The following DHRS9 variants were observed in gnomAD, a reference collection of about 807,000 sequenced individuals.
DHRS9 encodes the protein dehydrogenase/reductase 9.
In DHRS9, 18 loss-of-function variants were observed where a neutral mutation model predicts 26.6. The ratio of observed to expected loss-of-function variants is 0.68; its 90% CI spans 0.47 to 1.00. The LOEUF (loss-of-function observed/expected upper bound fraction) is 1.00. Among genes scored for constraint, DHRS9 ranks in the 50% least tolerant of loss-of-function variants. The pLI is 0.00. For synonymous variants in DHRS9, 134 were observed against 141.1 expected (o/e 0.95, Z 0.36); for missense variants, 425 against 378.7 (o/e 1.12, Z -1.01).
Position 169,095,661 on chromosome 2 carries a change from A to G in DHRS9, c.854A>G (p.Lys285Arg). ...CCTAAGACTCATTATGCCGCTGGAA[A>G]AGATGCCAAAATTTTCTGGATACCT... ...LFPKTHYAAG[K>R]DAKIFWIPLS... The change falls in exon 5 of 5, where the codon AAA (lysine) becomes AGA (arginine). Residue 285 changes from lysine to arginine, a missense_variant. By Grantham distance (26) the Lys-to-Arg change is conservative. Transcript: ENST00000674881. 1.2e-6 allele frequency: 2 copies of G among 1,614,010 alleles called. No individual in the cohort carries two copies. The highest frequency in any genetic ancestry group is 8.5e-7 in the Non-Finnish European group (1 of 1,179,930).
At chr2:169,073,205 C>T (rs559039004) in intron 1 of DHRS9, among the ~76,000 whole-genome samples, 4 of 152,156 alleles carry the variant, frequency 2.6e-5, no homozygotes, top group African/African-American at 9.6e-5. Flanking sequence ...ATATGCAGAG[C>T]CCAGAGTTGA....
intron 3 of DHRS9, among the ~76,000 whole-genome samples, chr2:169,089,987 G>A (rs1417636081): frequency 6.6e-6 from 1 of 152,152 alleles, no homozygotes; most frequent in Non-Finnish European, 1.5e-5. Flanking sequence ...TGTAGTATAT[G>A]TAATTAGAGA....
intron 1 of DHRS9, chr2:169,070,118 T>C (rs1683755284): frequency 1.0e-6 from 1 of 985,486 alleles, no homozygotes; most frequent in Non-Finnish European, 1.2e-6. Context: ...GCAGATTCTC[T>C]GTCAACTGCA....
upstream of DHRS9, among the ~76,000 whole-genome samples, chr2:169,068,671 A>G (rs1683714966): frequency 6.6e-6 from 1 of 152,230 alleles, no homozygotes; most frequent in Non-Finnish European, 1.5e-5. Flanking sequence ...ACCTAGACAG[A>G]TATGTTCATT....
In DHRS9 at chr2:169,095,589, T is replaced by A. The variant is rs1459216682; in HGVS notation, c.782T>A (p.Leu261His). 6.2e-7 allele frequency: 1 copy of A among 1,613,816 alleles called. No homozygotes were observed. The highest frequency in any genetic ancestry group is 8.5e-7 in the Non-Finnish European group (1 of 1,179,894). ...KGNKSYVNMDLSPVVECMDHA... is the reference protein window; with the variant it reads ...KGNKSYVNMDHSPVVECMDHA... The stretch of plus-strand genomic sequence containing the variant: ...AATAAATCCTATGTGAACATGGACC[T>A]CTCTCCGGTGGTAGAGTGCATGGAC... Residue 261 changes from leucine to histidine, a missense_variant, in exon 5 of 5, where the codon CTC becomes CAC. Transcript: ENST00000674881.
chr2:169,067,643 T>C (rs1414699313), upstream of DHRS9, among the ~76,000 whole-genome samples: 2 of 152,230 alleles, frequency 1.3e-5, no homozygotes, highest in African/African-American at 2.4e-5. Context: ...TTTTTTTTAA[T>C]GTGATCTTTG....
intron 4 of DHRS9, among the ~76,000 whole-genome samples, chr2:169,093,397 A>G (rs1052421663): frequency 1.3e-5 from 2 of 151,976 alleles, no homozygotes; most frequent in African/African-American, 4.8e-5. Flanking sequence ...CTATATATCA[A>G]CTGAAATGTC....
chr2:169,088,545 A>T (rs1684423044), intron 3 of DHRS9, among the ~76,000 whole-genome samples: 1 of 152,128 alleles, frequency 6.6e-6, no homozygotes, highest in South Asian at 2.1e-4. Context: ...TCCTGTGGGG[A>T]GGATGATCAA....
intron 1 of DHRS9, among the ~76,000 whole-genome samples, chr2:169,078,264 G>A (rs1452133387): frequency 1.3e-5 from 2 of 152,176 alleles, no homozygotes; most frequent in African/African-American, 4.8e-5. Flanking sequence ...ACTAATGTAT[G>A]ACATTATTTT....
intron 1 of DHRS9, 49 bp from the exon 2 acceptor site, chr2:169,081,474 T>C: frequency 6.7e-7 from 1 of 1,498,784 alleles, no homozygotes; most frequent in Non-Finnish European, 8.9e-7. Context: ...TGGGTTATAA[T>C]GCCTTGGTAG....
intron 1 of DHRS9, chr2:169,074,112 G>T (rs1056902284): frequency 2.8e-5 from 6 of 214,572 alleles, no homozygotes; most frequent in African/African-American, 7.1e-5. Flanking sequence ...GCCTAAATAT[G>T]AGCAATACAT....
intron 1 of DHRS9, chr2:169,074,191 C>T (rs1353470267): frequency 2.1e-5 from 17 of 804,060 alleles, no homozygotes; most frequent in Non-Finnish European, 2.0e-5. Flanking sequence ...CTTACTGTAA[C>T]GGCAGACATT....
At position 169,069,668 on chromosome 2, in the gene DHRS9, G is replaced by C; in HGVS notation, c.-109G>C. The C allele has an allele frequency of 2.0e-6, 2 of 985,462 alleles. No homozygotes were observed. Among genetic ancestry groups the C allele is most frequent in the Non-Finnish European group, 2.4e-6 (2 of 829,950 alleles). The allele number at this position is 985,462 out of a possible 1,614,324, so 61.0% of individuals were successfully genotyped here. On this transcript the variant is annotated 5_prime_UTR_variant, in exon 1 of 5. Coordinates refer to ENST00000674881, the MANE Select transcript of DHRS9 (RefSeq NM_001376924.1). ...GTGCACAGCAGGAAAGCTGCCATCA[G>C]CTGAGCAAGTCCACCAACAGTTTCT...
intron 1 of DHRS9, among the ~76,000 whole-genome samples, chr2:169,079,596 G>T (rs996844941): frequency 6.6e-6 from 1 of 151,864 alleles, no homozygotes; most frequent in Non-Finnish European, 1.5e-5. Flanking sequence ...GCTCACGCCT[G>T]TAATCCCCGC....
intron 3 of DHRS9, among the ~76,000 whole-genome samples, 155 bp downstream of exon 3, chr2:169,083,742 T>C (rs1176971847): frequency 3.3e-5 from 5 of 152,236 alleles, no homozygotes; most frequent in Non-Finnish European, 5.9e-5. Flanking sequence ...TTTATGGTTA[T>C]ATGAGATATT....
intron 3 of DHRS9, among the ~76,000 whole-genome samples, chr2:169,089,431 C>T (rs1684451552): frequency 6.6e-6 from 1 of 152,102 alleles, no homozygotes. Flanking sequence ...GGATATGATG[C>T]AGACAGAGGG....
chr2:169,071,412 C>G (rs769287841), intron 1 of DHRS9, among the ~76,000 whole-genome samples: 1 of 152,134 alleles, frequency 6.6e-6, no homozygotes, highest in African/African-American at 2.4e-5. Context: ...ATAATTTAAA[C>G]GTTTTGAAGG....
intron 3 of DHRS9, among the ~76,000 whole-genome samples, chr2:169,088,056 C>A (rs1247004241): frequency 6.6e-6 from 1 of 152,186 alleles, no homozygotes; most frequent in Non-Finnish European, 1.5e-5. Flanking sequence ...AGCACCAGGA[C>A]TTGCCCAGGA....
upstream of DHRS9, among the ~76,000 whole-genome samples, chr2:169,068,743 G>A (rs942106784): frequency 1.3e-5 from 2 of 152,186 alleles, no homozygotes; most frequent in African/African-American, 4.8e-5. Context: ...TACAGAGTCT[G>A]GGAAATCAGA....
Sources: gnomAD v4.1 joint callset for allele counts (sites outside exome capture counted in the v4.1 genomes callset) on GRCh38, gnomAD v4.1.1 for gene constraint, MANE v1.5 for transcripts, NCBI Gene and HGNC (gene_info 2026-07-23, HGNC 2026-07-21) for gene names.